Variants in GNPNAT1 observed in about 807,000 individuals in gnomAD.
GNPNAT1 encodes the protein glucosamine 6-phosphate N-acetyltransferase.
In GNPNAT1, 11 loss-of-function variants were observed where a neutral mutation model predicts 19.8. That is an observed-to-expected ratio of 0.56 (90% CI 0.35 to 0.92). The LOEUF (loss-of-function observed/expected upper bound fraction) is 0.92. GNPNAT1 is among the 40% of genes least tolerant of loss of function. GNPNAT1 has a pLI of 0.01. For synonymous variants in GNPNAT1, 71 were observed against 72.3 expected (o/e 0.98, Z 0.09); for missense variants, 157 against 211.0 (o/e 0.74, Z 1.59).
chr14:52,778,201 T>C lies in GNPNAT1; in HGVS notation c.*110A>G. 1.4e-6 allele frequency: 1 copy of C among 732,452 alleles called. No homozygotes were observed. The highest frequency in any genetic ancestry group is 2.2e-6 in the Non-Finnish European group (1 of 463,258). The allele number at this position is 732,452 out of a possible 1,614,324, so 45.4% of individuals were successfully genotyped here. ...ATACTTGTAGTATTACAATGTTTTTTCAGTCCAGTATTTATGGAGGTCACT... is the reference window on the plus strand; with the variant it reads ...ATACTTGTAGTATTACAATGTTTTTCCAGTCCAGTATTTATGGAGGTCACT... On this transcript the variant is annotated 3_prime_UTR_variant, in exon 6 of 6. Coordinates refer to ENST00000216410, the MANE Select transcript of GNPNAT1 (RefSeq NM_198066.4).
At chr14:52,778,572 G>T in intron 5 of GNPNAT1, 114 bp from the exon 6 acceptor site, 1 of 891,732 alleles carries the variant, frequency 1.1e-6, no homozygotes. Flanking sequence ...AACAGGTTTA[G>T]ATTATGGCTT....
In GNPNAT1 at chr14:52,776,794, A is replaced by C. The variant is rs1348154381; in HGVS notation, c.*1517T>G. The C allele has an allele frequency of 6.6e-6, 1 of 152,084 alleles. No homozygotes were observed. The highest frequency in any genetic ancestry group is 1.9e-4 in the East Asian group (1 of 5,188). The allele number at this position is 152,084 out of a possible 1,614,324, so 9.4% of individuals were successfully genotyped here. A position where few individuals can be genotyped will look rare whatever the true frequency, so the allele number is the denominator to read the frequency against. On this transcript the variant is annotated 3_prime_UTR_variant, in exon 6 of 6. Transcript: ENST00000216410. ...CTGGTCTCAAACTCCTGACCTTGTGATCTGCCCACCTCAGCCTCCCAAAGT... is the reference window on the plus strand; with the variant it reads ...CTGGTCTCAAACTCCTGACCTTGTGCTCTGCCCACCTCAGCCTCCCAAAGT...
At chr14:52,782,832 T>C (rs2139965748) in intron 3 of GNPNAT1, among the ~76,000 whole-genome samples, 1 of 152,216 alleles carries the variant, frequency 6.6e-6, no homozygotes, top group Non-Finnish European at 1.5e-5. Context: ...AAATATTTAG[T>C]AATGATAATA....
intron 5 of GNPNAT1, 136 bp downstream of exon 5, chr14:52,780,543 G>C: frequency 3.3e-6 from 2 of 608,892 alleles, no homozygotes; most frequent in Non-Finnish European, 5.9e-6. Context: ...ATTTCTTCAT[G>C]AAATTCAGTC....
At chr14:52,778,504 T>G (rs1391232441) in intron 5 of GNPNAT1, 46 bp from the exon 6 acceptor site, 4 of 1,478,856 alleles carry the variant, frequency 2.7e-6, no homozygotes, top group Non-Finnish European at 3.7e-6. Context: ...CATTTATTAA[T>G]AAAAATTGAT....
At chr14:52,785,320 T>C (rs1882989278) in intron 1 of GNPNAT1, among the ~76,000 whole-genome samples, 5 of 152,214 alleles carry the variant, frequency 3.3e-5, no homozygotes, top group Admixed American at 3.3e-4. Flanking sequence ...TTTTACATTA[T>C]GTTCTTGGAT....
In GNPNAT1 at chr14:52,776,911, A is replaced by C. The variant is rs1182932650; in HGVS notation, c.*1400T>G. 6.6e-6 allele frequency: 1 copy of C among 152,234 alleles called. No homozygotes were observed. The highest frequency in any genetic ancestry group is 1.5e-5 in the Non-Finnish European group (1 of 68,048). The allele number at this position is 152,234 out of a possible 1,614,324, so 9.4% of individuals were successfully genotyped here. A position where few individuals can be genotyped will look rare whatever the true frequency, so the allele number is the denominator to read the frequency against. ...TTAATTACCAGGATTTACCTGATAA[A>C]ACTACTCTTTGTCAAGGTTGTAGGA... is the stretch of plus-strand genomic sequence containing the variant. On this transcript the variant is annotated 3_prime_UTR_variant, in exon 6 of 6. Transcript: ENST00000216410.
rs552115062 is a variant in GNPNAT1 at position 52,776,636 on chromosome 14, A to G, written c.*1675T>C. 2 of 152,306 alleles carry G rather than the reference A, an allele frequency of 1.3e-5. No homozygotes were observed. The highest frequency in any genetic ancestry group is 2.1e-4 in the South Asian group (1 of 4,822). 9.4% of individuals were successfully genotyped at this position (152,306 alleles called of 1,614,324 possible). A position where few individuals can be genotyped will look rare whatever the true frequency, so the allele number is the denominator to read the frequency against. On this transcript the variant is annotated 3_prime_UTR_variant, in exon 6 of 6. Transcript: ENST00000216410. ...AGTGGTGTGATCTCAGCTCACTGCA[A>G]CCTTTGCCTCCCGGGTTCAAGCGAT...
intron 5 of GNPNAT1, among the ~76,000 whole-genome samples, chr14:52,779,954 A>C (rs1882849232): frequency 6.6e-6 from 1 of 152,060 alleles, no homozygotes; most frequent in Non-Finnish European, 1.5e-5. Context: ...TGGGAGGCCA[A>C]GGCAGGAGCA....
At position 52,775,923 on chromosome 14, in the gene GNPNAT1, A is replaced by G. The variant is rs1882700514; in HGVS notation, c.*2388T>C. ...CCAGGTGCAGTGGCTCGCACCTGTC[A>G]TCCAAGCACTTTGGGAGGCTGAGGT... On this transcript the variant is annotated 3_prime_UTR_variant, in exon 6 of 6. Transcript: ENST00000216410. 1 of 152,522 alleles carries G rather than the reference A, an allele frequency of 6.6e-6. No homozygotes were observed. Among genetic ancestry groups the G allele is most frequent in the Non-Finnish European group, 1.5e-5 (1 of 68,340 alleles). 9.4% of individuals were successfully genotyped at this position (152,522 alleles called of 1,614,324 possible). A position where few individuals can be genotyped will look rare whatever the true frequency, so the allele number is the denominator to read the frequency against.
At chr14:52,779,222 G>A (rs1882819746) in intron 5 of GNPNAT1, among the ~76,000 whole-genome samples, 1 of 152,122 alleles carries the variant, frequency 6.6e-6, no homozygotes, top group Non-Finnish European at 1.5e-5. Context: ...GTGAAGGTGT[G>A]TATCAGATTA....
intron 1 of GNPNAT1, among the ~76,000 whole-genome samples, chr14:52,785,913 A>G (rs1203584136): frequency 6.7e-6 from 1 of 150,058 alleles, no homozygotes; most frequent in Non-Finnish European, 1.5e-5. Flanking sequence ...ACGCCCAGCT[A>G]GTTTTTTTTG....
rs1367234532 is a variant in GNPNAT1, at chr14:52,776,125, T to C, written c.*2186A>G. The stretch of plus-strand genomic sequence containing the variant: ...AGATTGAAGCGGCAGTGTGTGGTGA[T>C]TGTGCCCCTGCGCTCTAGCCTGGGC... On this transcript the variant is annotated 3_prime_UTR_variant, in exon 6 of 6. Coordinates refer to ENST00000216410, the MANE Select transcript of GNPNAT1 (RefSeq NM_198066.4). 6.6e-6 allele frequency: 1 copy of C among 152,496 alleles called. No individual in the cohort carries two copies. The highest frequency in any genetic ancestry group is 2.4e-5 in the African/African-American group (1 of 41,402). The allele number at this position is 152,496 out of a possible 1,614,324, so 9.4% of individuals were successfully genotyped here. A position where few individuals can be genotyped will look rare whatever the true frequency, so the allele number is the denominator to read the frequency against.
chr14:52,780,535 T>G lies in GNPNAT1; in HGVS notation c.407+144A>C, dbSNP rs1248946161. On this transcript the variant is annotated intron_variant, in intron 5 of 5. Transcript: ENST00000216410. ...CAAAATATGTATAATAATACTTTAT[T>G]TCTTCATGAAATTCAGTCTAAACTA... is the stretch of plus-strand genomic sequence containing the variant. 3 of 591,818 alleles carry G rather than the reference T, an allele frequency of 5.1e-6. No individual in the cohort carries two copies. In the East Asian group the frequency reaches 8.2e-5, roughly 16 times the overall value. 36.7% of individuals were successfully genotyped at this position (591,818 alleles called of 1,614,324 possible).
intron 1 of GNPNAT1, among the ~76,000 whole-genome samples, chr14:52,790,971 G>C (rs2139978791): frequency 6.6e-6 from 1 of 152,274 alleles, no homozygotes; most frequent in East Asian, 1.9e-4. Context: ...GTGCGGAGGT[G>C]GTCTTCGGAG....
chr14:52,784,693 CTTTA>C (rs1461691900), intron 1 of GNPNAT1, 29 bp from the exon 2 acceptor site: 11 of 972,952 alleles, frequency 1.1e-5, no homozygotes, highest in Admixed American at 8.2e-5. Flanking sequence ...TATTAAGTCA[CTTTA>C]TTTAATAGAA....
At chr14:52,781,251 A>G (rs1882887301) in intron 4 of GNPNAT1, among the ~76,000 whole-genome samples, 1 of 152,136 alleles carries the variant, frequency 6.6e-6, no homozygotes, top group African/African-American at 2.4e-5. Context: ...GTTATTTTAG[A>G]TATCCAAATA....
Position 52,783,429 on chromosome 14 carries a change from A to G in GNPNAT1, c.211T>C (p.Phe71Leu), listed in dbSNP as rs1882939588. Residue 71 changes from phenylalanine (F) to leucine (L), a missense_variant, in exon 3 of 6, where the codon TTT becomes CTT. By Grantham distance (22) the Phe-to-Leu change is conservative. Coordinates refer to ENST00000216410, the MANE Select transcript of GNPNAT1 (RefSeq NM_198066.4). ...AAGAGGTTATAGTACTTACTCATAAATTGTTCAGGGCTGACAACTCCAGTC... is the reference window on the plus strand; with the variant it reads ...AAGAGGTTATAGTACTTACTCATAAGTTGTTCAGGGCTGACAACTCCAGTC... ...TETGVVSPEQFMKSFEHMKKS... is the reference protein window; with the variant it reads ...TETGVVSPEQLMKSFEHMKKS... The G allele has an allele frequency of 6.2e-7, 1 of 1,605,148 alleles. No individual in the cohort carries two copies. The highest frequency in any genetic ancestry group is 1.3e-5 in the African/African-American group (1 of 74,812).
At chr14:52,785,751 CTTTT>C (rs538972941) in intron 1 of GNPNAT1, among the ~76,000 whole-genome samples, 1 of 138,512 alleles carries the variant, frequency 7.2e-6, no homozygotes, top group Non-Finnish European at 1.6e-5. Context: ...GGCATGTAGC[CTTTT>C]TTTTTTTTTG....
Sources: gnomAD v4.1 joint callset for allele counts (sites outside exome capture counted in the v4.1 genomes callset) on GRCh38, gnomAD v4.1.1 for gene constraint, MANE v1.5 for transcripts, NCBI Gene and HGNC (gene_info 2026-07-23, HGNC 2026-07-21) for gene names.